MARF1: variants seen among roughly 807,000 people sequenced by gnomAD.
The protein encoded by MARF1 is limkain-b1.
A neutral mutation model predicts 168.2 loss-of-function variants in MARF1; 24 were observed. That is an observed-to-expected ratio of 0.14 (90% CI 0.10 to 0.20). The LOEUF is 0.20. Ranked by LOEUF, MARF1 falls within the 10% of genes least tolerant of loss-of-function variation. The pLI is 1.00. For missense variants in MARF1, 1,744 were observed against 2,143.6 expected (o/e 0.81, Z 3.68); for synonymous variants, 868 against 822.4 (o/e 1.06, Z -0.95).
chr16:15,598,612 G>C (rs942448587), intron 26 of MARF1, among the ~76,000 whole-genome samples: 3 of 140,198 alleles, frequency 2.1e-5, no homozygotes, highest in Non-Finnish European at 3.1e-5. Context: ...CCACAGCCCC[G>C]AGCCACCAGC....
At chr16:15,619,106 T>A (rs893714834) in intron 13 of MARF1, among the ~76,000 whole-genome samples, 1 of 152,074 alleles carries the variant, frequency 6.6e-6, no homozygotes, top group Non-Finnish European at 1.5e-5. Context: ...CAAAACCCCC[T>A]CATTACAAAA....
chr16:15,611,535 A>G, intron 18 of MARF1, 57 bp downstream of exon 18: 2 of 1,501,126 alleles, frequency 1.3e-6, no homozygotes, highest in Non-Finnish European at 1.8e-6. Context: ...AGAGTTTGGC[A>G]GAAGATAAAA....
At position 15,617,491 on chromosome 16, in the gene MARF1, T is replaced by C. The variant is rs376688374; in HGVS notation, c.2765A>G (p.Asp922Gly). The C allele has an allele frequency of 1.2e-6, 2 of 1,613,464 alleles. No homozygotes were observed. Among genetic ancestry groups the C allele is most frequent in the African/African-American group, 2.7e-5 (2 of 74,888 alleles). Reference protein sequence around the residue: ...LNVSDLYKLTDTVAIREQGNG... With the variant: ...LNVSDLYKLTGTVAIREQGNG... ...TCCTTGTTCACGGATTGCGACCGTG[T>C]CTGTTAATTTATATAGATCTGACAC... The change falls in exon 14 of 27, where the codon GAC becomes GGC. Residue 922 changes from aspartate to glycine, a missense_variant. Physicochemically the swap from Asp to Gly is moderately conservative, Grantham distance 94 (BLOSUM62 -1). Transcript: ENST00000396368.
At chr16:15,608,152 T>A in intron 21 of MARF1, 139 bp downstream of exon 21, 1 of 620,048 alleles carries the variant, frequency 1.6e-6, no homozygotes, top group Non-Finnish European at 2.8e-6. Flanking sequence ...ACAAAACGAG[T>A]CATAATGCTG....
intron 22 of MARF1, 102 bp downstream of exon 22, chr16:15,604,066 C>G (rs1004212485): frequency 1.1e-6 from 1 of 886,396 alleles, no homozygotes; most frequent in South Asian, 1.6e-5. Flanking sequence ...TCTCTCGGGT[C>G]CCTTCCAGCT....
At chr16:15,621,461 GGGGTC>G in intron 12 of MARF1, 1 of 427,056 alleles carries the variant, frequency 2.3e-6, no homozygotes, top group South Asian at 4.4e-5. Flanking sequence ...TTTTATTGTA[GGGGTC>G]TACTATTTTT....
At chr16:15,628,318 G>A (rs529778018) in intron 7 of MARF1, among the ~76,000 whole-genome samples, 2 of 152,138 alleles carry the variant, frequency 1.3e-5, no homozygotes, top group African/African-American at 4.8e-5. Flanking sequence ...TACTTCTGGA[G>A]GGTAGAATTG....
Position 15,633,509 on chromosome 16 carries a change from G to A in MARF1, c.1233+108C>T, listed in dbSNP as rs1320156559. The stretch of plus-strand genomic sequence containing the variant: ...TGCAGGGAGCCATGAATGCGTCACT[G>A]CACTCCAGCCTGGGTGACACTTAGA... On this transcript the variant is annotated intron_variant, in intron 5 of 26. Transcript: ENST00000396368. The A allele has an allele frequency of 6.1e-6, 5 of 813,136 alleles. No individual in the cohort carries two copies. In the Admixed American group the frequency reaches 7.9e-5, roughly 13 times the overall value. 50.4% of individuals were successfully genotyped at this position (813,136 alleles called of 1,614,324 possible).
chr16:15,623,087 C>T lies in MARF1; in HGVS notation c.2307G>A (p.Pro769=), dbSNP rs921170304. ...MSPNLLNRAS[P]LAFNIANSSS... is the part of the protein sequence containing the mutation. ...TCGAATTTGCAATGTTGAAAGCAAG[C>T]GGGGATGCTCTGTTTAAAAGGTTTG... Residue 769 remains proline (P), a synonymous_variant, in exon 11 of 27, where the codon CCG becomes CCA. Coordinates refer to ENST00000396368, the MANE Select transcript of MARF1 (RefSeq NM_014647.4). 1 of 1,606,674 alleles carries T rather than the reference C, an allele frequency of 6.2e-7. No homozygotes were observed.
At chr16:15,636,496 C>G (rs1259480469) in intron 2 of MARF1, among the ~76,000 whole-genome samples, 154 bp from the exon 3 acceptor site, 1 of 152,174 alleles carries the variant, frequency 6.6e-6, no homozygotes, top group East Asian at 1.9e-4. Context: ...CTAGTTAAAA[C>G]CAGGAACATT....
Position 15,635,737 on chromosome 16 carries a change from C to A in MARF1, c.750G>T (p.Leu250Phe). ...CATTAAGGTGCAAAGAGTTGGTGCA[C>A]AAGTGAGGCGTTAGCTCCGACTGTG... The part of the protein sequence containing the change: ...HISQSELTPH[L>F]CTNSLHLNVV... Residue 250 changes from leucine (L) to phenylalanine (F), a missense_variant, in exon 3 of 27, where the codon TTG becomes TTT. This residue lies in a region of MARF1 where 318 missense variants were observed against 336.6 expected (regional missense o/e 0.94). Transcript: ENST00000396368. 6.2e-7 allele frequency: 1 copy of A among 1,614,198 alleles called. No homozygotes were observed. Among genetic ancestry groups the A allele is most frequent in the Non-Finnish European group, 8.5e-7 (1 of 1,180,044 alleles).
chr16:15,624,630 G>C, intron 10 of MARF1, 139 bp downstream of exon 10: 1 of 756,248 alleles, frequency 1.3e-6, no homozygotes, highest in East Asian at 2.5e-5. Flanking sequence ...TACCTGAGGA[G>C]AGGGGGACTG....
At chr16:15,601,485 G>A (rs993021575) in intron 23 of MARF1, 3 of 218,560 alleles carry the variant, frequency 1.4e-5, no homozygotes, top group Non-Finnish European at 2.8e-5. Context: ...CTCCCTAACC[G>A]AGCTCTCAGC....
At chr16:15,621,641 TG>T in intron 12 of MARF1, 91 bp downstream of exon 12, 1 of 1,185,074 alleles carries the variant, frequency 8.4e-7, no homozygotes, top group African/African-American at 1.5e-5. Context: ...CACAAGGGGG[TG>T]GGAATGTGAT....
At chr16:15,608,260 G>GAA (rs748965777) in intron 21 of MARF1, 31 bp downstream of exon 21, 13,575 of 818,260 alleles carry the variant, frequency 0.017, 5 homozygotes, top group South Asian at 0.025. Flanking sequence ...TCCCATGAGG[G>GAA]AAAAAAAAAA....
chr16:15,604,069 T>C (rs1596443119), intron 22 of MARF1, 99 bp downstream of exon 22: 2 of 943,470 alleles, frequency 2.1e-6, no homozygotes, highest in Non-Finnish European at 3.3e-6. Context: ...CTCGGGTCCC[T>C]TCCAGCTCTA....
rs2032338663 is a variant in MARF1, at chr16:15,600,707, C to T, written c.4627-6G>A. ...TGTCCTTTTATCCAGACCACCTGCACACAAGACATACTACTGGTTAAGCAG... is the reference window on the plus strand; with the variant it reads ...TGTCCTTTTATCCAGACCACCTGCATACAAGACATACTACTGGTTAAGCAG... On this transcript the variant is annotated splice_polypyrimidine_tract_variant and splice_region_variant and intron_variant, in intron 23 of 26. Transcript: ENST00000396368. 1 of 1,613,660 alleles carries T rather than the reference C, an allele frequency of 6.2e-7. No individual in the cohort carries two copies. The highest frequency in any genetic ancestry group is 8.5e-7 in the Non-Finnish European group (1 of 1,179,918).
rs781324013 is a variant in MARF1, at chr16:15,615,774, C to T, written c.3253+56G>A. 11 of 1,312,762 alleles carry T rather than the reference C, an allele frequency of 8.4e-6. No individual in the cohort carries two copies. In the Admixed American group the frequency reaches 3.1e-4, roughly 37 times the overall value. The allele number at this position is 1,312,762 out of a possible 1,614,324, so 81.3% of individuals were successfully genotyped here. ...TGTTTAAAATAAAAGCCAATAGCCT[C>T]CTCTGGTCTCATAGTGGACAGGTGG... On this transcript the variant is annotated intron_variant, in intron 16 of 26. Transcript: ENST00000396368.
rs71376075 is a variant in MARF1, at chr16:15,609,013, C to T, written c.3955-495G>A. ...CAGCACTCTGGGAGGCTGAGACAGG[C>T]GGATCAACTGAGGTCAGGAGCTCAA... On this transcript the variant is annotated intron_variant, in intron 20 of 26. Transcript: ENST00000396368. 3.4e-3 allele frequency among the ~76,000 whole-genome samples: 515 copies of T among 152,202 alleles called. 2 individuals carry two copies. Among genetic ancestry groups the T allele is most frequent in the Middle Eastern group, 0.01 (3 of 294 alleles).
Sources: allele counts gnomAD v4.1 joint callset (sites outside exome capture counted in the v4.1 genomes callset), GRCh38; gene constraint gnomAD v4.1.1; regional missense constraint gnomAD v4.1.1; transcripts MANE v1.5; gene names NCBI Gene and HGNC (gene_info 2026-07-23, HGNC 2026-07-21).